The following GRID1 variants were observed in gnomAD, a reference collection of about 807,000 sequenced individuals.
GRID1 encodes the protein glutamate ionotropic receptor delta type subunit 1.
Under a neutral mutation model 98.0 loss-of-function variants are expected in GRID1, and 28 were observed. That is an observed-to-expected ratio of 0.29 (90% confidence interval 0.21 to 0.39). The LOEUF (loss-of-function observed/expected upper bound fraction) is 0.39. GRID1 is among the 10% of genes least tolerant of loss of function. The pLI, the probability that GRID1 is intolerant of heterozygous loss-of-function variation, is 1.00. For synonymous variants in GRID1, 553 were observed against 538.5 expected, an observed-to-expected ratio of 1.03 and a Z score of -0.37; for missense variants, 1,111 against 1,340.5, an observed-to-expected ratio of 0.83 and a Z score of 2.67.
chr10:85,619,607 A>T (rs1460165742), intron 14 of GRID1, among the ~76,000 whole-genome samples: 2 of 152,060 alleles, frequency 1.3e-5, no homozygotes, highest in Non-Finnish European at 2.9e-5. Flanking sequence ...CGTCCTTGCC[A>T]TGTGCTAATA....
chr10:86,011,811 C>T (rs548812162), intron 4 of GRID1, among the ~76,000 whole-genome samples: 10 of 152,298 alleles, frequency 6.6e-5, no homozygotes, highest in African/African-American at 2.2e-4. Context: ...AGATGCCAAA[C>T]TTCTCTGACA....
At chr10:85,967,640 G>C (rs1475694183) in intron 4 of GRID1, among the ~76,000 whole-genome samples, 1 of 152,166 alleles carries the variant, frequency 6.6e-6, no homozygotes, top group Non-Finnish European at 1.5e-5. Context: ...TGTCAATAAA[G>C]AGACAGAAAT....
intron 2 of GRID1, among the ~76,000 whole-genome samples, chr10:86,354,063 A>G (rs534489781): frequency 1.3e-5 from 2 of 152,350 alleles, no homozygotes; most frequent in Admixed American, 1.3e-4. Context: ...ATGAAAAGGC[A>G]GAAGGCCCAC....
chr10:85,609,696 C>T (rs749558081), intron 15 of GRID1, among the ~76,000 whole-genome samples: 4 of 152,186 alleles, frequency 2.6e-5, no homozygotes, highest in Admixed American at 6.5e-5. Context: ...CGATGGAAAC[C>T]GGGCCAGGGG....
chr10:86,222,915 AC>A (rs1242982057), intron 2 of GRID1, among the ~76,000 whole-genome samples: 2 of 151,966 alleles, frequency 1.3e-5, no homozygotes, highest in Non-Finnish European at 2.9e-5. Context: ...CAGCACCGTC[AC>A]CCCCTGGGGG....
intron 2 of GRID1, among the ~76,000 whole-genome samples, chr10:86,309,426 G>C (rs916593559): frequency 2.6e-5 from 4 of 152,208 alleles, no homozygotes; most frequent in African/African-American, 9.6e-5. Context: ...GGAGTTAAAT[G>C]GTGGGCCAAG....
chr10:86,341,611 G>A (rs1848312001), intron 2 of GRID1, among the ~76,000 whole-genome samples: 1 of 152,142 alleles, frequency 6.6e-6, no homozygotes, highest in South Asian at 2.1e-4. Flanking sequence ...CAGACACACT[G>A]AGAGAACATG....
At chr10:86,322,417 T>C (rs1847983451) in intron 2 of GRID1, among the ~76,000 whole-genome samples, 3 of 151,992 alleles carry the variant, frequency 2.0e-5, no homozygotes, top group Non-Finnish European at 2.9e-5. Flanking sequence ...TTGTTGTCGT[T>C]GTTGTTGTTG....
At chr10:86,086,023 G>A (rs1165469784) in intron 4 of GRID1, among the ~76,000 whole-genome samples, 1 of 152,010 alleles carries the variant, frequency 6.6e-6, no homozygotes. Flanking sequence ...CTAGTCCTTT[G>A]CACTCACTGT....
chr10:85,746,795 TAATAA>T (rs761319664), intron 8 of GRID1, among the ~76,000 whole-genome samples: 1 of 152,096 alleles, frequency 6.6e-6, no homozygotes, highest in Non-Finnish European at 1.5e-5. Context: ...CTATGATATA[TAATAA>T]AATAAAACAT....
At chr10:86,012,331 T>C (rs1344258910) in intron 4 of GRID1, among the ~76,000 whole-genome samples, 2 of 141,368 alleles carry the variant, frequency 1.4e-5, no homozygotes, top group African/African-American at 5.5e-5. Context: ...TCAACAGAGA[T>C]GGGCAGAGCA....
chr10:86,232,050 G>A (rs1359436553), intron 2 of GRID1, among the ~76,000 whole-genome samples: 1 of 152,022 alleles, frequency 6.6e-6, no homozygotes, highest in Non-Finnish European at 1.5e-5. Context: ...CACTGCACTT[G>A]GGTATAAGAG....
intron 13 of GRID1, among the ~76,000 whole-genome samples, chr10:85,636,598 C>G (rs535197165): frequency 6.6e-6 from 1 of 151,976 alleles, no homozygotes; most frequent in African/African-American, 2.4e-5. Flanking sequence ...CAAAATAAAG[C>G]AAAAATACAT....
At chr10:85,615,900 C>T (rs935314185) in intron 14 of GRID1, among the ~76,000 whole-genome samples, 2 of 152,204 alleles carry the variant, frequency 1.3e-5, no homozygotes, top group African/African-American at 4.8e-5. Flanking sequence ...AACTAGCTAG[C>T]TATGGATAGA....
intron 5 of GRID1, among the ~76,000 whole-genome samples, chr10:85,912,428 T>C (rs1303657268): frequency 6.6e-6 from 1 of 152,198 alleles, no homozygotes; most frequent in African/African-American, 2.4e-5. Flanking sequence ...AGGTCTGTAA[T>C]ACGTAGCACC....
intron 8 of GRID1, among the ~76,000 whole-genome samples, chr10:85,760,232 T>A (rs1842134729): frequency 6.6e-6 from 1 of 152,218 alleles, no homozygotes; most frequent in Admixed American, 6.5e-5. Flanking sequence ...GACCATCAGT[T>A]GTTTTTGACC....
At chr10:86,196,357 G>A (rs1189679218) in intron 3 of GRID1, among the ~76,000 whole-genome samples, 1 of 152,010 alleles carries the variant, frequency 6.6e-6, no homozygotes, top group East Asian at 1.9e-4. Flanking sequence ...GGAGGAGTAA[G>A]AAAAACGAGA....
chr10:86,033,119 T>C (rs2131894171), intron 4 of GRID1, among the ~76,000 whole-genome samples: 1 of 152,206 alleles, frequency 6.6e-6, no homozygotes, highest in South Asian at 2.1e-4. Flanking sequence ...CCCAGCTTTG[T>C]GGCCTTTGCT....
Position 85,869,126 on chromosome 10 carries a change from T to A in GRID1, c.835A>T (p.Thr279Ser). The A allele has an allele frequency of 6.2e-7, 1 of 1,613,924 alleles. No individual in the cohort carries two copies. The highest frequency in any genetic ancestry group is 1.7e-5 in the Admixed American group (1 of 60,008). ...GACGGAAAGATTTGCCGGACCACGGTCATCCTTCCAAGGGCACTATGGACC... is the reference window on the plus strand; with the variant it reads ...GACGGAAAGATTTGCCGGACCACGGACATCCTTCCAAGGGCACTATGGACC... The part of the protein sequence containing the change: ...DLVHSALGRM[T>S]VVRQIFPSAK... Residue 279 changes from threonine to serine, a missense_variant, in exon 6 of 16, where the codon ACC becomes TCC. This residue lies in a region of GRID1 where 346 missense variants were observed against 452.3 expected (regional missense o/e 0.76). Coordinates refer to ENST00000327946, the MANE Select transcript of GRID1 (RefSeq NM_017551.3).
Sources: gnomAD v4.1 joint callset for allele counts (sites outside exome capture counted in the v4.1 genomes callset) on GRCh38, gnomAD v4.1.1 for gene constraint, gnomAD v4.1.1 regional missense constraint, MANE v1.5 for transcripts, NCBI Gene and HGNC (gene_info 2026-07-23, HGNC 2026-07-21) for gene names.